The following SGCB variants were observed in gnomAD, a reference collection of about 807,000 sequenced individuals.
The protein encoded by SGCB is sarcoglycan beta.
In SGCB, 25 loss-of-function variants were observed where a neutral mutation model predicts 27.3. That is an observed-to-expected ratio of 0.92 (90% CI 0.67 to 1.28). The LOEUF (loss-of-function observed/expected upper bound fraction) is 1.28, where lower values mean the gene tolerates loss of function less well. SGCB is among the 50% of genes most tolerant of loss of function. The probability of loss-of-function intolerance (pLI) is 0.00; values close to 1 mark genes in which losing one functional copy is unlikely to be tolerated. For synonymous variants in SGCB, 147 were observed against 133.5 expected (o/e 1.10, Z -0.70); for missense variants, 436 against 402.1 (o/e 1.08, Z -0.72).
In SGCB at chr4:52,033,660, T is replaced by C. The variant is rs1177050171; in HGVS notation, c.34-20A>G. On this transcript the variant is annotated intron_variant, in intron 1 of 5. Coordinates refer to ENST00000381431, the MANE Select transcript of SGCB (RefSeq NM_000232.5). ...ACTTTGCTAAAAATGAAATACAACATAATGGAACAGCTATACCCTCTCGTT... is the reference window on the plus strand; with the variant it reads ...ACTTTGCTAAAAATGAAATACAACACAATGGAACAGCTATACCCTCTCGTT... The C allele has an allele frequency of 6.4e-6, 10 of 1,569,766 alleles. No homozygotes were observed. The African/African-American group carries it at 8.1e-5, about 13-fold the overall frequency.
intron 5 of SGCB, among the ~76,000 whole-genome samples, chr4:52,024,826 TCAAA>T (rs1299176118): frequency 1.1e-4 from 6 of 56,824 alleles, no homozygotes; most frequent in Admixed American, 7.6e-4. Flanking sequence ...AGACACTGTC[TCAAA>T]AAAAAAAAAA....
At chr4:52,027,739 G>A (rs1330247284) in intron 5 of SGCB, among the ~76,000 whole-genome samples, 1 of 151,608 alleles carries the variant, frequency 6.6e-6, no homozygotes, top group Non-Finnish European at 1.5e-5. Context: ...TTGACATTCT[G>A]GCACACCCTG....
rs1395152494 is a variant in SGCB at position 52,028,027 on chromosome 4, C to T, written c.694G>A (p.Val232Ile). The T allele has an allele frequency of 1.2e-6, 2 of 1,610,516 alleles. No individual in the cohort carries two copies. Among genetic ancestry groups the T allele is most frequent in the Non-Finnish European group, 1.7e-6 (2 of 1,176,764 alleles). The change falls in exon 5 of 6, where the codon GTA becomes ATA. Residue 232 changes from valine (V) to isoleucine (I), a missense_variant. Val to Ile is a conservative substitution (Grantham distance 29, BLOSUM62 3). Transcript: ENST00000381431. The stretch of plus-strand genomic sequence containing the variant: ...TCAATGGTTTTGCCCATAATGAATA[C>T]ACCTTCATTTCCACGCACAATAGCA... ...GRAIVRGNEG[V>I]FIMGKTIEFH...
intron 1 of SGCB, among the ~76,000 whole-genome samples, chr4:52,034,596 C>T (rs1299552916): frequency 6.6e-6 from 1 of 151,918 alleles, no homozygotes; most frequent in Non-Finnish European, 1.5e-5. Context: ...TTTGGCTATC[C>T]TTTGGGGGTC....
chr4:52,036,358 A>T (rs1241008747), intron 1 of SGCB, among the ~76,000 whole-genome samples: 7 of 152,202 alleles, frequency 4.6e-5, no homozygotes. Context: ...AGGTGTAGGG[A>T]TGAAGCAAGA....
intron 1 of SGCB, among the ~76,000 whole-genome samples, chr4:52,036,637 G>C (rs1403124203): frequency 1.3e-5 from 2 of 152,154 alleles, no homozygotes; most frequent in Admixed American, 1.3e-4. Flanking sequence ...TCTGGGGAAA[G>C]GTGTTAAGAG....
chr4:52,037,575 G>C (rs1254055617), intron 1 of SGCB, among the ~76,000 whole-genome samples: 1 of 152,162 alleles, frequency 6.6e-6, no homozygotes, highest in African/African-American at 2.4e-5. Flanking sequence ...GCATGTACAT[G>C]TATGCATACG....
intron 1 of SGCB, among the ~76,000 whole-genome samples, chr4:52,036,153 A>G (rs952502418): frequency 3.9e-5 from 6 of 152,228 alleles, no homozygotes; most frequent in Non-Finnish European, 8.8e-5. Context: ...ATCTCCACCT[A>G]GCAGGCAAGG....
chr4:52,026,503 C>T (rs1737101138), intron 5 of SGCB, among the ~76,000 whole-genome samples: 1 of 151,936 alleles, frequency 6.6e-6, no homozygotes, highest in Non-Finnish European at 1.5e-5. Context: ...GTGATCCACC[C>T]GCCTTGGCTT....
intron 4 of SGCB, 49 bp from the exon 5 acceptor site, chr4:52,028,148 AG>A (rs1167552514): frequency 4.2e-5 from 60 of 1,430,926 alleles, no homozygotes; most frequent in Non-Finnish European, 5.3e-5. Context: ...AATTAATGTG[AG>A]AATTGTTATC....
intron 1 of SGCB, among the ~76,000 whole-genome samples, chr4:52,037,217 G>C (rs1385741706): frequency 6.6e-6 from 1 of 152,102 alleles, no homozygotes; most frequent in African/African-American, 2.4e-5. Context: ...TTACAAATCT[G>C]CAGCCTGCCT....
At chr4:52,031,684 T>G (rs1235148717) in intron 2 of SGCB, among the ~76,000 whole-genome samples, 1 of 152,096 alleles carries the variant, frequency 6.6e-6, no homozygotes, top group Non-Finnish European at 1.5e-5. Flanking sequence ...TGAGTTTCTA[T>G]TTTTTCCATG....
intron 3 of SGCB, among the ~76,000 whole-genome samples, chr4:52,029,461 T>C (rs1222236773): frequency 1.3e-5 from 2 of 152,198 alleles, no homozygotes; most frequent in African/African-American, 4.8e-5. Flanking sequence ...CATCTAATTT[T>C]AACAGATGAT....
At position 52,024,009 on chromosome 4, in the gene SGCB, C is replaced by T; in HGVS notation, c.905G>A (p.Ser302Asn). Residue 302 changes from serine to asparagine, a missense_variant, in exon 6 of 6, where the codon AGC (serine) becomes AAC (asparagine). By Grantham distance (46) the Ser-to-Asn change is conservative. Transcript: ENST00000381431. ...TGAGATTTGGCAGCCCATGTTCTGG[C>T]TGGTTACTTGCACCTTGAAGAGCGT... The part of the protein sequence containing the change: ...DGTLFKVQVT[S>N]QNMGCQISDN... 3 of 1,614,190 alleles carry T rather than the reference C, an allele frequency of 1.9e-6. No individual in the cohort carries two copies. The highest frequency in any genetic ancestry group is 2.2e-5 in the South Asian group (2 of 91,092).
chr4:52,031,908 T>C (rs1467561803), intron 2 of SGCB: 4 of 456,072 alleles, frequency 8.8e-6, no homozygotes, highest in Non-Finnish European at 1.8e-5. Context: ...TTTTTCTATA[T>C]GCATCAGGAA....
chr4:52,024,554 C>T (rs1317992475), intron 5 of SGCB, among the ~76,000 whole-genome samples: 4 of 152,012 alleles, frequency 2.6e-5, no homozygotes, highest in South Asian at 2.1e-4. Context: ...CCTGGCCAAG[C>T]GCGGTGGCTC....
intron 2 of SGCB, 146 bp from the exon 3 acceptor site, chr4:52,030,009 A>G (rs1371960233): frequency 4.4e-6 from 3 of 679,448 alleles, no homozygotes; most frequent in African/African-American, 1.8e-5. Flanking sequence ...TTTTCCACTT[A>G]TAAACAAAAC....
At chr4:52,028,584 C>A in intron 4 of SGCB, 146 bp downstream of exon 4, 1 of 609,752 alleles carries the variant, frequency 1.6e-6, no homozygotes, top group Admixed American at 2.6e-5. Flanking sequence ...TGCAGTGAGT[C>A]GAGATCGCGC....
At chr4:52,029,020 T>G (rs1374409365) in intron 3 of SGCB, 99 bp from the exon 4 acceptor site, 1 of 870,266 alleles carries the variant, frequency 1.1e-6, no homozygotes, top group African/African-American at 1.7e-5. Flanking sequence ...TTACAGAAAT[T>G]TAAAAACCCC....
Sources: allele counts gnomAD v4.1 joint callset (sites outside exome capture counted in the v4.1 genomes callset), GRCh38; gene constraint gnomAD v4.1.1; transcripts MANE v1.5; gene names NCBI Gene and HGNC (gene_info 2026-07-23, HGNC 2026-07-21).